The following SPAG16 variants were observed in gnomAD, a reference collection of about 807,000 sequenced individuals.
SPAG16 encodes sperm associated antigen 16.
Under a neutral mutation model 80.4 loss-of-function variants are expected in SPAG16, and 86 were observed. The observed-to-expected ratio is 1.07, with a 90% CI of 0.90 to 1.28. The LOEUF is 1.28. SPAG16 is among the 50% of genes most tolerant of loss of function. The pLI, the probability that SPAG16 is intolerant of heterozygous loss-of-function variation, is 0.00. For synonymous variants in SPAG16, 294 were observed against 265.9 expected (o/e 1.11, Z -1.03); for missense variants, 870 against 765.3 (o/e 1.14, Z -1.61).
chr2:214,057,764 A>G (rs1311749936), intron 13 of SPAG16, among the ~76,000 whole-genome samples: 1 of 152,172 alleles, frequency 6.6e-6, no homozygotes, highest in African/African-American at 2.4e-5. Flanking sequence ...TAGTGTGGCC[A>G]ACTTCATCAA....
intron 10 of SPAG16, among the ~76,000 whole-genome samples, chr2:213,556,012 G>A (rs1301862531): frequency 6.6e-6 from 1 of 151,906 alleles, no homozygotes; most frequent in Non-Finnish European, 1.5e-5. Context: ...GCTTAAAATG[G>A]CCTGTAATAA....
chr2:214,097,992 G>A (rs1013811393), intron 13 of SPAG16, among the ~76,000 whole-genome samples: 2 of 151,996 alleles, frequency 1.3e-5, no homozygotes, highest in African/African-American at 2.4e-5. Context: ...GGCACAGTAA[G>A]CAGCAAAGCC....
At chr2:214,377,647 A>G (rs1700208590) in intron 15 of SPAG16, among the ~76,000 whole-genome samples, 1 of 152,182 alleles carries the variant, frequency 6.6e-6, no homozygotes, top group Non-Finnish European at 1.5e-5. Flanking sequence ...GGCTATTAGT[A>G]GTTAAGTTCT....
intron 10 of SPAG16, among the ~76,000 whole-genome samples, chr2:213,551,850 A>G (rs1401935134): frequency 1.3e-5 from 2 of 152,140 alleles, no homozygotes; most frequent in Non-Finnish European, 2.9e-5. Flanking sequence ...AACCTTGCCT[A>G]TCATGTCAAA....
chr2:213,970,330 A>C (rs1033572695), intron 12 of SPAG16, among the ~76,000 whole-genome samples: 2 of 151,222 alleles, frequency 1.3e-5, no homozygotes, highest in African/African-American at 4.9e-5. Context: ...TTTTATAGAT[A>C]GCATCTTATT....
chr2:214,214,091 T>G lies in SPAG16; in HGVS notation c.1720+64825T>G, dbSNP rs1187392868. Among the ~76,000 whole-genome samples the G allele has an allele frequency of 1.3e-5, 2 of 152,170 alleles. 1 individual carries two copies. The highest frequency in any genetic ancestry group is 1.3e-4 in the Admixed American group (2 of 15,276). ...ATACCCAGCCATATCAATATTTTTT[T>G]ATTCTATGGAAACAATTTGCTTTCT... On this transcript the variant is annotated intron_variant, in intron 15 of 15. Transcript: ENST00000331683.
intron 10 of SPAG16, among the ~76,000 whole-genome samples, chr2:213,602,146 TCTG>T (rs1296664668): frequency 3.3e-5 from 5 of 152,232 alleles, no homozygotes; most frequent in African/African-American, 4.8e-5. Context: ...CCAGCACCGG[TCTG>T]TGGACTGGGG....
chr2:213,323,037 A>G (rs1313143821), intron 5 of SPAG16, among the ~76,000 whole-genome samples: 1 of 151,680 alleles, frequency 6.6e-6, no homozygotes, highest in African/African-American at 2.4e-5. Flanking sequence ...AAGCATGTGA[A>G]CAGGCTTCTG....
chr2:213,819,301 A>G (rs988494366), intron 10 of SPAG16, among the ~76,000 whole-genome samples: 1 of 152,220 alleles, frequency 6.6e-6, no homozygotes, highest in Non-Finnish European at 1.5e-5. Context: ...GGAAAATGCC[A>G]ACATGAAAAA....
At chr2:214,005,866 A>C (rs946487143) in intron 12 of SPAG16, among the ~76,000 whole-genome samples, 2 of 152,220 alleles carry the variant, frequency 1.3e-5, no homozygotes, top group Admixed American at 1.3e-4. Context: ...CTAGGAGGTG[A>C]GGAAAATCCC....
intron 10 of SPAG16, among the ~76,000 whole-genome samples, chr2:213,578,722 A>T (rs115646195): frequency 0.013 from 1,930 of 152,208 alleles, 35 homozygotes; most frequent in African/African-American, 0.031. Context: ...TCCTACATTA[A>T]TATGGAGACA....
At chr2:214,089,918 C>A (rs185158071) in intron 13 of SPAG16, among the ~76,000 whole-genome samples, 2 of 152,206 alleles carry the variant, frequency 1.3e-5, no homozygotes, top group African/African-American at 4.8e-5. Flanking sequence ...TCTACTACTT[C>A]TATCCAATGT....
At chr2:214,408,128 C>A (rs1332973785) in intron 15 of SPAG16, among the ~76,000 whole-genome samples, 6 of 152,118 alleles carry the variant, frequency 3.9e-5, no homozygotes, top group Non-Finnish European at 8.8e-5. Flanking sequence ...AACAAACTTT[C>A]AGAAATTACC....
chr2:213,922,763 G>A (rs2106214480), intron 11 of SPAG16, among the ~76,000 whole-genome samples: 1 of 151,414 alleles, frequency 6.6e-6, no homozygotes, highest in African/African-American at 2.4e-5. Flanking sequence ...GAGTTTGGTT[G>A]ACTGGCTTTG....
intron 10 of SPAG16, among the ~76,000 whole-genome samples, chr2:213,693,541 C>T (rs2065034082): frequency 6.6e-6 from 1 of 152,156 alleles, no homozygotes; most frequent in Admixed American, 6.5e-5. Context: ...CATGATGTAG[C>T]TTGCTAAATA....
At chr2:213,517,795 A>T (rs1249021132) in intron 10 of SPAG16, among the ~76,000 whole-genome samples, 1 of 152,172 alleles carries the variant, frequency 6.6e-6, no homozygotes, top group African/African-American at 2.4e-5. Context: ...CCATATACAA[A>T]AATTAACTCA....
At chr2:213,786,181 T>C (rs531922156) in intron 10 of SPAG16, among the ~76,000 whole-genome samples, 1 of 152,160 alleles carries the variant, frequency 6.6e-6, no homozygotes, top group Non-Finnish European at 1.5e-5. Flanking sequence ...CTATGCTACT[T>C]AGTGATTTTA....
At chr2:213,458,856 A>G (rs1272896477) in intron 9 of SPAG16, among the ~76,000 whole-genome samples, 1 of 152,092 alleles carries the variant, frequency 6.6e-6, no homozygotes, top group Non-Finnish European at 1.5e-5. Context: ...TTTATCTGTA[A>G]TAATCAGTAA....
chr2:213,450,853 G>A (rs1403890856), intron 9 of SPAG16, among the ~76,000 whole-genome samples: 2 of 152,066 alleles, frequency 1.3e-5, no homozygotes, highest in African/African-American at 4.8e-5. Flanking sequence ...TATCTCTGGA[G>A]AATAATGTTC....
Sources: gnomAD v4.1 joint callset for allele counts (sites outside exome capture counted in the v4.1 genomes callset) on GRCh38, gnomAD v4.1.1 for gene constraint, MANE v1.5 for transcripts, NCBI Gene and HGNC (gene_info 2026-07-23, HGNC 2026-07-21) for gene names.